ALDH3B1: variants seen among roughly 807,000 people sequenced by gnomAD.
ALDH3B1 encodes the protein aldehyde dehydrogenase family 3 member B1.
Under a neutral mutation model 46.2 loss-of-function variants are expected in ALDH3B1, and 37 were observed. That is an observed-to-expected ratio of 0.80 (90% CI 0.62 to 1.05). The LOEUF is 1.05. ALDH3B1 is among the 50% of genes least tolerant of loss of function. The probability of loss-of-function intolerance (pLI) is 0.00; values close to 1 mark genes in which losing one functional copy is unlikely to be tolerated. For missense variants in ALDH3B1, 603 were observed against 665.5 expected (o/e 0.91, Z 1.03); for synonymous variants, 283 against 281.0 (o/e 1.01, Z -0.07).
chr11:68,018,514 C>T lies in ALDH3B1; in HGVS notation c.163-13C>T. Reference sequence around the variant, plus strand: ...GAATCCTGGCCCACCCTGACCCCACCCACTTCCTGCAGTCAGCCTTCGAGT... The same window carrying T: ...GAATCCTGGCCCACCCTGACCCCACTCACTTCCTGCAGTCAGCCTTCGAGT... On this transcript the variant is annotated splice_polypyrimidine_tract_variant and intron_variant, in intron 2 of 9. Coordinates refer to ENST00000342456, the MANE Select transcript of ALDH3B1 (RefSeq NM_000694.4). The T allele has an allele frequency of 6.4e-7, 1 of 1,557,804 alleles. No individual in the cohort carries two copies. Among genetic ancestry groups the T allele is most frequent in the Non-Finnish European group, 8.7e-7 (1 of 1,150,162 alleles).
At chr11:68,019,897 C>CCT (rs4646811) in intron 6 of ALDH3B1, 101 bp downstream of exon 6, 1,042 of 1,186,180 alleles carry the variant, frequency 8.8e-4, no homozygotes, top group Middle Eastern at 1.4e-3. Context: ...ACTGAATTCT[C>CCT]CTCTCTCTCT....
chr11:68,015,436 G>A lies in ALDH3B1; in HGVS notation c.139G>A (p.Ala47Thr), dbSNP rs750814122. 38 of 1,563,254 alleles carry A rather than the reference G, an allele frequency of 2.4e-5. No individual in the cohort carries two copies. The highest frequency in any genetic ancestry group is 3.8e-5 in the Admixed American group (2 of 52,484). ...LQENKQLLHDALAQDLHKSAF... is the reference protein window; with the variant it reads ...LQENKQLLHDTLAQDLHKSAF... ...AGAAAACAAGCAGCTTCTGCACGACGCACTGGCCCAGGACCTGCACAAGGT... is the reference window on the plus strand; with the variant it reads ...AGAAAACAAGCAGCTTCTGCACGACACACTGGCCCAGGACCTGCACAAGGT... Residue 47 changes from alanine to threonine, a missense_variant, in exon 2 of 10, where the codon GCA becomes ACA. Transcript: ENST00000342456.
At position 68,028,927 on chromosome 11, in the gene ALDH3B1, C is replaced by G. The variant is rs1178713414; in HGVS notation, c.*988C>G. The stretch of plus-strand genomic sequence containing the variant: ...CTCATGGTGCCCACTACGAGTCATA[C>G]TCTTCCCCATGCTGCTCATCCTCCT... On this transcript the variant is annotated 3_prime_UTR_variant, in exon 10 of 10. Coordinates refer to ENST00000342456, the MANE Select transcript of ALDH3B1 (RefSeq NM_000694.4). The G allele has an allele frequency of 6.6e-6, 1 of 152,304 alleles. No homozygotes were observed. The highest frequency in any genetic ancestry group is 1.5e-5 in the Non-Finnish European group (1 of 68,120). The allele number at this position is 152,304 out of a possible 1,614,324, so 9.4% of individuals were successfully genotyped here. A position where few individuals can be genotyped will look rare whatever the true frequency, so the allele number is the denominator to read the frequency against.
At position 68,022,767 on chromosome 11, in the gene ALDH3B1, G is replaced by A. The variant is rs748025731; in HGVS notation, c.1116+6G>A. The A allele has an allele frequency of 6.2e-7, 1 of 1,613,774 alleles. No individual in the cohort carries two copies. The highest frequency in any genetic ancestry group is 8.5e-7 in the Non-Finnish European group (1 of 1,179,918). On this transcript the variant is annotated splice_donor_region_variant and intron_variant, in intron 8 of 9. Transcript: ENST00000342456. The stretch of plus-strand genomic sequence containing the variant: ...CCTTCTCCAACAGCAGCCAGGTGGG[G>A]GTGCGGCCGGGCTGGGCAGGGTCAG...
At chr11:68,022,537 C>G in intron 7 of ALDH3B1, 58 bp from the exon 8 acceptor site, 1 of 1,233,886 alleles carries the variant, frequency 8.1e-7, no homozygotes, top group Non-Finnish European at 1.1e-6. Flanking sequence ...CCTCTACCCC[C>G]ACCCTGGGGG....
Position 68,022,536 on chromosome 11 carries a change from C to A in ALDH3B1, c.950-59C>A, listed in dbSNP as rs1361365280. 7 of 1,440,070 alleles carry A rather than the reference C, an allele frequency of 4.9e-6. No homozygotes were observed. In the African/African-American group the frequency reaches 1.8e-4, roughly 37 times the overall value. The allele number at this position is 1,440,070 out of a possible 1,614,324, so 89.2% of individuals were successfully genotyped here. On this transcript the variant is annotated intron_variant, in intron 7 of 9. Transcript: ENST00000342456. The stretch of plus-strand genomic sequence containing the variant: ...TGTGGCCCTGTCCCCACCTCTACCC[C>A]CACCCTGGGGGCGGTCCTGACTGTG...
chr11:68,027,046 G>A (rs575773112), intron 9 of ALDH3B1, among the ~76,000 whole-genome samples: 1 of 151,626 alleles, frequency 6.6e-6, no homozygotes, highest in South Asian at 2.1e-4. Context: ...CCAGGCCCCC[G>A]AGCTGACCCT....
chr11:68,016,767 G>A (rs1036085076), intron 2 of ALDH3B1: 3 of 152,414 alleles, frequency 2.0e-5, no homozygotes, highest in Admixed American at 6.5e-5. Flanking sequence ...GGGCTCCCTG[G>A]GGACTGACTC....
At chr11:68,021,419 G>T in intron 6 of ALDH3B1, 66 bp from the exon 7 acceptor site, 1 of 1,555,132 alleles carries the variant, frequency 6.4e-7, no homozygotes, top group African/African-American at 1.4e-5. Context: ...GAGCGGGGCC[G>T]TGGGCTGGGC....
chr11:68,022,881 C>T (rs534183426), intron 8 of ALDH3B1, 120 bp downstream of exon 8: 2 of 1,398,034 alleles, frequency 1.4e-6, no homozygotes, highest in African/African-American at 1.4e-5. Context: ...GACCTCTTGG[C>T]TCTGTCTCTG....
chr11:68,021,803 T>C lies in ALDH3B1; in HGVS notation c.881T>C (p.Leu294Pro), dbSNP rs1228930619. Residue 294 changes from leucine (L) to proline (P), a missense_variant, in exon 7 of 10, where the codon CTG becomes CCG. Physicochemically the swap from Leu to Pro is moderately conservative, Grantham distance 98 (BLOSUM62 -3). Transcript: ENST00000342456. ...ATCAACCAGAAACAGTTCCAGCGGCTGCGGGCATTGCTGGGCTGCGGCCGT... is the reference window on the plus strand; with the variant it reads ...ATCAACCAGAAACAGTTCCAGCGGCCGCGGGCATTGCTGGGCTGCGGCCGT... Reference protein sequence around the residue: ...RIINQKQFQRLRALLGCGRVA... With the variant: ...RIINQKQFQRPRALLGCGRVA... The C allele has an allele frequency of 1.2e-6, 2 of 1,614,002 alleles. No individual in the cohort carries two copies. The highest frequency in any genetic ancestry group is 2.7e-5 in the African/African-American group (2 of 74,926).
chr11:68,010,589 G>A (rs1857209102), intron 1 of ALDH3B1, among the ~76,000 whole-genome samples, 197 bp downstream of exon 1: 1 of 152,198 alleles, frequency 6.6e-6, no homozygotes, highest in Non-Finnish European at 1.5e-5. Flanking sequence ...GATCTGGGGA[G>A]TGGCAGCGAG....
rs777751632 is a variant in ALDH3B1, at chr11:68,026,042, G to A, written c.1150G>A (p.Gly384Arg). ...VKRVLTQTSS[G>R]GFCGNDGFMH... is the part of the protein sequence containing the mutation. ...GCGGGTGCTGACCCAGACCAGCAGCGGGGGCTTCTGTGGGAACGACGGCTT... is the reference window on the plus strand; with the variant it reads ...GCGGGTGCTGACCCAGACCAGCAGCAGGGGCTTCTGTGGGAACGACGGCTT... The change falls in exon 9 of 10, where the codon GGG becomes AGG. Residue 384 changes from glycine to arginine, a missense_variant. Transcript: ENST00000342456. 18 of 1,607,854 alleles carry A rather than the reference G, an allele frequency of 1.1e-5. No individual in the cohort carries two copies. The highest frequency in any genetic ancestry group is 1.6e-4 in the Middle Eastern group (1 of 6,068).
intron 1 of ALDH3B1, among the ~76,000 whole-genome samples, chr11:68,011,234 T>C (rs555369946): frequency 1.3e-5 from 2 of 151,716 alleles, no homozygotes; most frequent in South Asian, 4.2e-4. Flanking sequence ...GAGCAGGGGG[T>C]TCATAAGGCA....
intron 6 of ALDH3B1, among the ~76,000 whole-genome samples, chr11:68,020,878 G>A (rs1857475120): frequency 6.6e-6 from 1 of 152,198 alleles, no homozygotes; most frequent in South Asian, 2.1e-4. Flanking sequence ...ACAGGGCTAG[G>A]GCAGAGAAGG....
In ALDH3B1 at chr11:68,018,686, C is replaced by T. The variant is rs943422808; in HGVS notation, c.273+49C>T. ...GCAGGGGGCTCAGGGGATATTTGCT[C>T]CCACAGGGTGGCCCCTCTGGGTGGG... is the stretch of plus-strand genomic sequence containing the variant. On this transcript the variant is annotated intron_variant, in intron 3 of 9. Transcript: ENST00000342456. 8.4e-6 allele frequency: 13 copies of T among 1,549,736 alleles called. 1 individual carries two copies. In the South Asian group the frequency reaches 1.4e-4, roughly 17 times the overall value.
intron 7 of ALDH3B1, 104 bp downstream of exon 7, chr11:68,021,975 C>T: frequency 6.7e-7 from 1 of 1,502,946 alleles, no homozygotes; most frequent in Non-Finnish European, 8.9e-7. Context: ...GAAACCTGGC[C>T]CCACTGCCAG....
chr11:68,014,106 G>T (rs1473863133), intron 1 of ALDH3B1, among the ~76,000 whole-genome samples: 1 of 152,204 alleles, frequency 6.6e-6, no homozygotes, highest in East Asian at 1.9e-4. Flanking sequence ...TCATTAGCTG[G>T]CAGGTGCCAT....
chr11:68,028,731 T>C lies in ALDH3B1; in HGVS notation c.*792T>C, dbSNP rs1314415168. 6.6e-6 allele frequency: 1 copy of C among 150,402 alleles called. No homozygotes were observed. The highest frequency in any genetic ancestry group is 2.0e-4 in the East Asian group (1 of 5,116). 9.3% of individuals were successfully genotyped at this position (150,402 alleles called of 1,614,324 possible). A position where few individuals can be genotyped will look rare whatever the true frequency, so the allele number is the denominator to read the frequency against. ...ACTGTTGCAAGGATGAAATGAAGGA[T>C]TGAGGGATTGAGGGATTGCTGAGCT... On this transcript the variant is annotated 3_prime_UTR_variant, in exon 10 of 10. Transcript: ENST00000342456.
Sources: allele counts gnomAD v4.1 joint callset (sites outside exome capture counted in the v4.1 genomes callset), GRCh38; gene constraint gnomAD v4.1.1; transcripts MANE v1.5; gene names NCBI Gene and HGNC (gene_info 2026-07-23, HGNC 2026-07-21).